KIAA0930: variants seen among roughly 807,000 people sequenced by gnomAD.
KIAA0930 encodes the protein uncharacterized protein KIAA0930.
In KIAA0930, 24 loss-of-function variants were observed where a neutral mutation model predicts 43.9. The ratio of observed to expected loss-of-function variants is 0.55; its 90% CI spans 0.40 to 0.77. The LOEUF (loss-of-function observed/expected upper bound fraction) is 0.77. Among genes scored for constraint, KIAA0930 ranks in the 30% least tolerant of loss-of-function variants. KIAA0930 has a pLI of 0.00. For missense variants in KIAA0930, 461 were observed against 574.2 expected (o/e 0.80, Z 2.02); for synonymous variants, 259 against 216.4 (o/e 1.20, Z -1.73).
In KIAA0930 at chr22:45,196,989, A is replaced by C; in HGVS notation, c.*187T>G. 1.8e-6 allele frequency: 1 copy of C among 549,096 alleles called. No homozygotes were observed. Among genetic ancestry groups the C allele is most frequent in the Non-Finnish European group, 3.2e-6 (1 of 310,662 alleles). The allele number at this position is 549,096 out of a possible 1,614,324, so 34.0% of individuals were successfully genotyped here. ...CGGAGCAGCGCCAGCAGGGGAGGGA[A>C]GAGGCACTTCAGTTTGGGCTGGTGT... On this transcript the variant is annotated 3_prime_UTR_variant, in exon 10 of 10. Transcript: ENST00000336156. This position sits in a 1 kb window ranked among gnomAD's most constrained non-coding sequence, Gnocchi z 4.1.
chr22:45,209,392 C>T (rs905498292), intron 2 of KIAA0930, among the ~76,000 whole-genome samples: 5 of 152,286 alleles, frequency 3.3e-5, no homozygotes, highest in African/African-American at 7.2e-5. Flanking sequence ...CACTGCAGCC[C>T]GACAAGCTGG....
rs1209656765 is a variant in KIAA0930, at chr22:45,196,597, A to C, written c.*579T>G. On this transcript the variant is annotated 3_prime_UTR_variant, in exon 10 of 10. Transcript: ENST00000336156. The surrounding 1 kb of genome is among the most constrained non-coding windows in gnomAD (Gnocchi z 4.1). ...GCCTTTCTGGAACTGGGCGTGGGTG[A>C]GGTATTCCCAGCCCAGGGCAAAGCC... 1 of 152,628 alleles carries C rather than the reference A, an allele frequency of 6.6e-6. No homozygotes were observed. Among genetic ancestry groups the C allele is most frequent in the Non-Finnish European group, 1.5e-5 (1 of 68,106 alleles). The allele number at this position is 152,628 out of a possible 1,614,324, so 9.5% of individuals were successfully genotyped here. A position where few individuals can be genotyped will look rare whatever the true frequency, so the allele number is the denominator to read the frequency against.
chr22:45,202,983 C>A lies in KIAA0930; in HGVS notation c.852+7G>T. On this transcript the variant is annotated splice_region_variant and intron_variant, in intron 7 of 9. Transcript: ENST00000336156. Reference sequence around the variant, plus strand: ...GGAGCCCCCGCCCCCAGCTGTGCAGCCCTTACCCGCTCGTGCATGGGCGAA... The same window carrying A: ...GGAGCCCCCGCCCCCAGCTGTGCAGACCTTACCCGCTCGTGCATGGGCGAA... 1 of 1,601,396 alleles carries A rather than the reference C, an allele frequency of 6.2e-7. No individual in the cohort carries two copies.
At chr22:45,209,691 C>T (rs1468186054) in intron 2 of KIAA0930, among the ~76,000 whole-genome samples, 1 of 152,210 alleles carries the variant, frequency 6.6e-6, no homozygotes, top group African/African-American at 2.4e-5. Flanking sequence ...TCTGTCTATC[C>T]AAACAGACTG....
intron 1 of KIAA0930, among the ~76,000 whole-genome samples, chr22:45,236,516 T>C (rs1406930545): frequency 2.0e-5 from 3 of 152,146 alleles, no homozygotes; most frequent in Admixed American, 1.3e-4. Context: ...CTCCATTCTC[T>C]GTGGCCTCTG....
chr22:45,209,324 G>C (rs1281419692), intron 2 of KIAA0930, among the ~76,000 whole-genome samples: 1 of 152,274 alleles, frequency 6.6e-6, no homozygotes, highest in Middle Eastern at 3.4e-3. Context: ...TTTGCCAGGG[G>C]GGGTCTCCCC....
At chr22:45,225,482 T>C (rs1297320756) in intron 1 of KIAA0930, among the ~76,000 whole-genome samples, 2 of 152,178 alleles carry the variant, frequency 1.3e-5, no homozygotes, top group Non-Finnish European at 2.9e-5. Flanking sequence ...AGCCAGGCTC[T>C]CCAGGCAGCC....
At chr22:45,233,708 CCT>C (rs2083868771) in intron 1 of KIAA0930, among the ~76,000 whole-genome samples, 1 of 152,092 alleles carries the variant, frequency 6.6e-6, no homozygotes, top group African/African-American at 2.4e-5. Context: ...TGAGCTCTGC[CCT>C]CTTAGGAAGC....
intron 9 of KIAA0930, 89 bp from the exon 10 acceptor site, chr22:45,197,305 C>T (rs1004906088): frequency 6.9e-6 from 8 of 1,166,694 alleles, no homozygotes; most frequent in Non-Finnish European, 9.7e-6. Context: ...CTGAAGGAAG[C>T]CCGCCTCAGC....
At chr22:45,209,004 G>A (rs742018) in intron 2 of KIAA0930, among the ~76,000 whole-genome samples, 46,262 of 152,210 alleles carry the variant, frequency 0.3, 7,497 homozygotes, top group South Asian at 0.57. Context: ...AACACAGAGC[G>A]TTTTGTCCAG....
At chr22:45,212,176 A>T in intron 1 of KIAA0930, 69 bp from the exon 2 acceptor site, 1 of 1,613,590 alleles carries the variant, frequency 6.2e-7, no homozygotes, top group Non-Finnish European at 8.5e-7. Flanking sequence ...GGCCTTGGCC[A>T]AGCTGCGCCC....
chr22:45,219,745 C>T (rs1483538639), intron 1 of KIAA0930, among the ~76,000 whole-genome samples: 1 of 152,012 alleles, frequency 6.6e-6, no homozygotes, highest in Non-Finnish European at 1.5e-5. Context: ...ACATGCACCA[C>T]CAGACCCAGC....
chr22:45,199,369 C>T (rs559692517), intron 8 of KIAA0930, among the ~76,000 whole-genome samples: 96 of 152,182 alleles, frequency 6.3e-4, no homozygotes, highest in South Asian at 1.0e-3. Flanking sequence ...AGGAAGGCCC[C>T]GGGGGTAGGC....
At position 45,203,991 on chromosome 22, in the gene KIAA0930, C is replaced by T; in HGVS notation, c.517-6G>A. ...ACGGTCATGTCGCTGAACACCTGGG[C>T]CAGGACACAAAGAGACAGGGACGTG... On this transcript the variant is annotated splice_region_variant and splice_polypyrimidine_tract_variant and intron_variant, in intron 5 of 9. Coordinates refer to ENST00000336156, the MANE Select transcript of KIAA0930 (RefSeq NM_001009880.2). The T allele has an allele frequency of 6.2e-7, 1 of 1,613,872 alleles. No homozygotes were observed. The highest frequency in any genetic ancestry group is 1.3e-5 in the African/African-American group (1 of 75,040).
intron 6 of KIAA0930, 107 bp from the exon 7 acceptor site, chr22:45,203,291 G>A (rs2083606283): frequency 1.7e-6 from 2 of 1,185,104 alleles, no homozygotes; most frequent in Non-Finnish European, 2.4e-6. Context: ...AGGAGCGGGG[G>A]CTGCCCGGGA....
Position 45,203,001 on chromosome 22 carries a change from T to C in KIAA0930, c.841A>G (p.Met281Val). ...TEEDSSPASP[M>V]HERVTSFSTP... The stretch of plus-strand genomic sequence containing the variant: ...TGTGCAGCCCTTACCCGCTCGTGCA[T>C]GGGCGAAGCTGGGCTGGAGTCCTCT... The change falls in exon 7 of 10, where the codon ATG becomes GTG. Residue 281 changes from methionine (M) to valine (V), a missense_variant. Met to Val is a conservative substitution (Grantham distance 21). Coordinates refer to ENST00000336156, the MANE Select transcript of KIAA0930 (RefSeq NM_001009880.2). The C allele has an allele frequency of 1.2e-6, 2 of 1,608,852 alleles. No individual in the cohort carries two copies. Among genetic ancestry groups the C allele is most frequent in the South Asian group, 1.1e-5 (1 of 90,378 alleles).
chr22:45,204,126 C>T, intron 5 of KIAA0930, 141 bp from the exon 6 acceptor site: 1 of 1,089,978 alleles, frequency 9.2e-7, no homozygotes. Context: ...TCCTGTGGCC[C>T]CATGCCCTCC....
At chr22:45,200,178 C>T (rs967736866) in intron 7 of KIAA0930, 143 bp from the exon 8 acceptor site, 55 of 780,094 alleles carry the variant, frequency 7.1e-5, no homozygotes, top group Admixed American at 5.2e-4. Context: ...CAGGCCCAGC[C>T]GGCCCGTGCT....
chr22:45,213,706 T>C (rs1219285091), intron 1 of KIAA0930, among the ~76,000 whole-genome samples: 1 of 152,266 alleles, frequency 6.6e-6, no homozygotes, highest in Admixed American at 6.5e-5. Flanking sequence ...AGAATAAATT[T>C]GGTCTTTAAA....
Sources: allele counts gnomAD v4.1 joint callset (sites outside exome capture counted in the v4.1 genomes callset), GRCh38; gene constraint gnomAD v4.1.1; non-coding constraint Gnocchi (gnomAD v3.1); transcripts MANE v1.5; gene names NCBI Gene and HGNC (gene_info 2026-07-23, HGNC 2026-07-21).